Variants in SRGAP3 observed in about 807,000 individuals in gnomAD.
SRGAP3 encodes SLIT-ROBO Rho GTPase-activating protein 3.
SRGAP3 carries 39 observed loss-of-function variants against 121.1 expected under a neutral mutation model. That is an observed-to-expected ratio of 0.32 (90% CI 0.25 to 0.42). The LOEUF (loss-of-function observed/expected upper bound fraction) is 0.42. Among genes scored for constraint, SRGAP3 ranks in the 10% least tolerant of loss-of-function variants. The pLI is 1.00. For synonymous variants in SRGAP3, 601 were observed against 570.0 expected, an observed-to-expected ratio of 1.05 and a Z score of -0.77; for missense variants, 1,213 against 1,470.6, an observed-to-expected ratio of 0.82 and a Z score of 2.86.
At chr3:9,197,333 G>T (rs1951946957) in intron 1 of SRGAP3, among the ~76,000 whole-genome samples, 1 of 152,214 alleles carries the variant, frequency 6.6e-6, no homozygotes, top group Non-Finnish European at 1.5e-5. Flanking sequence ...TACAAGCAAA[G>T]TTGGTTTAAA....
intron 1 of SRGAP3, among the ~76,000 whole-genome samples, chr3:9,180,178 T>C (rs1200064348): frequency 6.6e-6 from 1 of 152,060 alleles, no homozygotes; most frequent in Non-Finnish European, 1.5e-5. Context: ...GGAGGACACA[T>C]TGTCAGTCAC....
intron 19 of SRGAP3, among the ~76,000 whole-genome samples, chr3:8,993,279 C>T (rs1942179717): frequency 6.6e-6 from 1 of 152,252 alleles, no homozygotes; most frequent in Admixed American, 6.5e-5. Context: ...CTGTCCCACA[C>T]CTACCTCCTC....
At chr3:9,132,387 C>T (rs1418559807) in intron 1 of SRGAP3, among the ~76,000 whole-genome samples, 1 of 152,176 alleles carries the variant, frequency 6.6e-6, no homozygotes, top group South Asian at 2.1e-4. Context: ...TAAAAATCCT[C>T]GTGCTCCACC....
At chr3:9,196,334 G>T (rs907212230) in intron 1 of SRGAP3, among the ~76,000 whole-genome samples, 1 of 152,186 alleles carries the variant, frequency 6.6e-6, no homozygotes, top group African/African-American at 2.4e-5. Context: ...CTCTGGCAAG[G>T]GCAGTATGGT....
chr3:9,106,880 C>A (rs1419664374), intron 2 of SRGAP3, among the ~76,000 whole-genome samples: 1 of 151,918 alleles, frequency 6.6e-6, no homozygotes, highest in Non-Finnish European at 1.5e-5. Flanking sequence ...TCCCCAAAGC[C>A]AAGCAGAAGG....
At chr3:9,332,179 G>A (rs1342729162) in intron 1 of SRGAP3, among the ~76,000 whole-genome samples, 1 of 152,102 alleles carries the variant, frequency 6.6e-6, no homozygotes, top group Non-Finnish European at 1.5e-5. Flanking sequence ...GGAGTGCAGT[G>A]GTGCCATCTT....
chr3:9,190,879 C>T (rs1302647491), intron 1 of SRGAP3, among the ~76,000 whole-genome samples: 2 of 152,180 alleles, frequency 1.3e-5, no homozygotes, highest in Non-Finnish European at 2.9e-5. Context: ...GGGAGCCCCA[C>T]TGCCTTGAGC....
chr3:9,273,481 A>G (rs1206427118), intron 3 of SRGAP3, among the ~76,000 whole-genome samples: 4 of 150,720 alleles, frequency 2.7e-5, no homozygotes, highest in African/African-American at 9.7e-5. Flanking sequence ...GGAGTTCTTT[A>G]TATAAGCCAG....
chr3:9,301,884 T>A (rs938439028), intron 3 of SRGAP3, among the ~76,000 whole-genome samples: 3 of 152,238 alleles, frequency 2.0e-5, no homozygotes, highest in African/African-American at 7.2e-5. Flanking sequence ...AGGTTTCGCA[T>A]ACTGCCTGGC....
At chr3:9,347,141 A>T (rs1158748586) in intron 1 of SRGAP3, among the ~76,000 whole-genome samples, 1 of 151,550 alleles carries the variant, frequency 6.6e-6, no homozygotes, top group East Asian at 1.9e-4. Flanking sequence ...TCAAAGACTC[A>T]CTCCCCTCCC....
chr3:9,332,144 G>A (rs1018448717), intron 1 of SRGAP3, among the ~76,000 whole-genome samples: 6 of 150,306 alleles, frequency 4.0e-5, no homozygotes, highest in African/African-American at 1.5e-4. Context: ...ATTTTGAGAT[G>A]GAGTCTCACT....
intron 3 of SRGAP3, among the ~76,000 whole-genome samples, chr3:9,082,627 A>T (rs1414287985): frequency 6.6e-6 from 1 of 152,192 alleles, no homozygotes; most frequent in African/African-American, 2.4e-5. Flanking sequence ...CTGTATCGAA[A>T]ATGGGAGCCG....
At chr3:9,012,994 G>A (rs1241007509) in intron 17 of SRGAP3, among the ~76,000 whole-genome samples, 2 of 152,144 alleles carry the variant, frequency 1.3e-5, no homozygotes, top group African/African-American at 4.8e-5. Context: ...GCAGGACCAA[G>A]TCCTTGTGGT....
chr3:9,291,087 G>C (rs886213268), intron 3 of SRGAP3, among the ~76,000 whole-genome samples: 1 of 152,062 alleles, frequency 6.6e-6, no homozygotes, highest in African/African-American at 2.4e-5. Flanking sequence ...AATATTAAGA[G>C]GAAAAGGAGT....
intron 7 of SRGAP3, among the ~76,000 whole-genome samples, chr3:9,056,793 T>A (rs2664097): frequency 6.6e-6 from 1 of 152,096 alleles, no homozygotes; most frequent in Non-Finnish European, 1.5e-5. Flanking sequence ...TGAGACAATG[T>A]GCTCTCACAG....
chr3:9,248,006 C>T (rs1408890835), intron 1 of SRGAP3, among the ~76,000 whole-genome samples: 1 of 152,236 alleles, frequency 6.6e-6, no homozygotes, highest in Non-Finnish European at 1.5e-5. Flanking sequence ...TGTTCCCTTT[C>T]CTATTTCGCC....
At chr3:9,262,308 G>T (rs1574953117) in intron 3 of SRGAP3, among the ~76,000 whole-genome samples, 2 of 151,858 alleles carry the variant, frequency 1.3e-5, no homozygotes, top group African/African-American at 2.4e-5. Context: ...CAACTAATAC[G>T]CAAAATAACC....
intron 7 of SRGAP3, 72 bp downstream of exon 7, chr3:9,058,179 G>A (rs977731375): frequency 2.1e-4 from 323 of 1,506,034 alleles, no homozygotes; most frequent in Non-Finnish European, 7.9e-5. Flanking sequence ...GTGCAACCAG[G>A]GATGATGTAC....
intron 5 of SRGAP3, among the ~76,000 whole-genome samples, chr3:9,061,634 G>T (rs1368304375): frequency 1.3e-5 from 2 of 152,176 alleles, no homozygotes; most frequent in Non-Finnish European, 2.9e-5. Context: ...AATAAGTGGG[G>T]TTAGGGACTT....
Sources: gnomAD v4.1 joint callset for allele counts (sites outside exome capture counted in the v4.1 genomes callset) on GRCh38, gnomAD v4.1.1 for gene constraint, MANE v1.5 for transcripts, NCBI Gene and HGNC (gene_info 2026-07-23, HGNC 2026-07-21) for gene names.